Variants in CNTN4 observed in about 807,000 individuals in gnomAD.
The protein encoded by CNTN4 is contactin-4.
In CNTN4, 77 loss-of-function variants were observed where a neutral mutation model predicts 122.5. The ratio of observed to expected loss-of-function variants is 0.63; its 90% CI spans 0.52 to 0.76. The LOEUF (loss-of-function observed/expected upper bound fraction) is 0.76, where lower values mean the gene tolerates loss of function less well. Among genes scored for constraint, CNTN4 ranks in the 30% least tolerant of loss-of-function variants. CNTN4 has a pLI of 0.00. For missense variants in CNTN4, 1,256 were observed against 1,259.1 expected, an observed-to-expected ratio of 1.00 and a Z score of 0.04; for synonymous variants, 512 against 447.0, an observed-to-expected ratio of 1.15 and a Z score of -1.83.
At chr3:2,496,975 A>AGCCCT (rs1166933999) in intron 3 of CNTN4, among the ~76,000 whole-genome samples, 3 of 152,158 alleles carry the variant, frequency 2.0e-5, no homozygotes, top group Non-Finnish European at 4.4e-5. Flanking sequence ...CAGCTCCAGA[A>AGCCCT]GAGAGCAAAA....
intron 14 of CNTN4, among the ~76,000 whole-genome samples, chr3:3,000,698 G>T (rs1410370349): frequency 1.3e-5 from 2 of 152,124 alleles, no homozygotes; most frequent in Admixed American, 6.5e-5. Flanking sequence ...CTCAGGGTCT[G>T]CCCTAAGTAA....
intron 3 of CNTN4, among the ~76,000 whole-genome samples, chr3:2,406,801 T>C (rs538558962): frequency 6.6e-6 from 1 of 152,168 alleles, no homozygotes; most frequent in African/African-American, 2.4e-5. Flanking sequence ...TGAAGTGATA[T>C]AAGTGTGGTT....
chr3:2,258,683 C>T (rs1442604916), intron 2 of CNTN4, among the ~76,000 whole-genome samples: 7 of 152,112 alleles, frequency 4.6e-5, no homozygotes, highest in Admixed American at 1.3e-4. Context: ...ATGCATGCAG[C>T]CTATTTCTCA....
chr3:2,627,750 C>G (rs62232711), intron 4 of CNTN4, among the ~76,000 whole-genome samples: 5,086 of 152,186 alleles, frequency 0.033, 111 homozygotes, highest in Non-Finnish European at 0.049. Context: ...GCCTCGGCCT[C>G]CCAAAGTGCT....
chr3:2,982,182 A>G (rs557135630), intron 13 of CNTN4, among the ~76,000 whole-genome samples: 2 of 152,258 alleles, frequency 1.3e-5, no homozygotes, highest in South Asian at 4.1e-4. Flanking sequence ...TCATATTCGG[A>G]ACTGTGTGGT....
At chr3:2,646,192 A>C (rs757187768) in intron 4 of CNTN4, among the ~76,000 whole-genome samples, 2 of 152,214 alleles carry the variant, frequency 1.3e-5, no homozygotes, top group Non-Finnish European at 2.9e-5. Context: ...ACTAGTGTGG[A>C]TCCAACAATA....
At chr3:2,760,661 A>C (rs1360356781) in intron 6 of CNTN4, among the ~76,000 whole-genome samples, 1 of 152,228 alleles carries the variant, frequency 6.6e-6, no homozygotes, top group East Asian at 1.9e-4. Flanking sequence ...TGATGCTCAC[A>C]TCGCATGAGC....
At chr3:2,696,925 A>G (rs1262486037) in intron 4 of CNTN4, among the ~76,000 whole-genome samples, 1 of 152,228 alleles carries the variant, frequency 6.6e-6, no homozygotes, top group East Asian at 1.9e-4. Flanking sequence ...GTTAATTGCC[A>G]TGAATGGGTG....
intron 2 of CNTN4, among the ~76,000 whole-genome samples, chr3:2,321,093 C>T (rs1038675692): frequency 3.3e-5 from 5 of 152,098 alleles, no homozygotes; most frequent in Non-Finnish European, 5.9e-5. Context: ...AATTTGGGCT[C>T]TGTTCAAAGC....
At chr3:2,809,139 GA>G (rs1212417044) in intron 6 of CNTN4, among the ~76,000 whole-genome samples, 20 of 152,344 alleles carry the variant, frequency 1.3e-4, no homozygotes, top group African/African-American at 4.8e-4. Flanking sequence ...ACACAAATGA[GA>G]ACCGTAGTTG....
intron 4 of CNTN4, among the ~76,000 whole-genome samples, chr3:2,651,487 C>G (rs1184520371): frequency 6.6e-6 from 1 of 152,072 alleles, no homozygotes; most frequent in Non-Finnish European, 1.5e-5. Context: ...GGAATGGCCT[C>G]CTCTTAGCAT....
chr3:2,300,122 T>G (rs1379762888), intron 2 of CNTN4, among the ~76,000 whole-genome samples: 1 of 152,160 alleles, frequency 6.6e-6, no homozygotes, highest in Non-Finnish European at 1.5e-5. Context: ...TTGAGATAGA[T>G]TATTTATAGC....
chr3:2,766,411 C>T (rs1025771264), intron 6 of CNTN4, among the ~76,000 whole-genome samples: 3 of 152,078 alleles, frequency 2.0e-5, no homozygotes, highest in African/African-American at 7.2e-5. Flanking sequence ...TACCACTCAA[C>T]CATAAAAAGA....
At chr3:2,403,498 C>G (rs2046930280) in intron 3 of CNTN4, among the ~76,000 whole-genome samples, 1 of 152,108 alleles carries the variant, frequency 6.6e-6, no homozygotes, top group South Asian at 2.1e-4. Flanking sequence ...AAATCTCAAC[C>G]TACTTTCTAA....
intron 2 of CNTN4, among the ~76,000 whole-genome samples, chr3:2,276,666 T>A (rs1398947665): frequency 6.6e-6 from 1 of 152,196 alleles, no homozygotes; most frequent in Non-Finnish European, 1.5e-5. Flanking sequence ...TCTTTTAAAA[T>A]CCCTTTGGTA....
intron 3 of CNTN4, among the ~76,000 whole-genome samples, chr3:2,453,889 T>C (rs568759180): frequency 6.6e-6 from 1 of 152,292 alleles, no homozygotes; most frequent in South Asian, 2.1e-4. Context: ...GCAAATCATA[T>C]GAAACTGTAT....
chr3:2,438,673 C>G (rs2048334041), intron 3 of CNTN4, among the ~76,000 whole-genome samples: 1 of 152,164 alleles, frequency 6.6e-6, no homozygotes. Context: ...AGTCATGACT[C>G]AGTACAGTTA....
intron 2 of CNTN4, among the ~76,000 whole-genome samples, chr3:2,205,818 A>C (rs955646135): frequency 3.3e-5 from 5 of 152,124 alleles, no homozygotes; most frequent in African/African-American, 1.2e-4. Flanking sequence ...TAGAAGCATA[A>C]GATTATTAAA....
intron 3 of CNTN4, among the ~76,000 whole-genome samples, chr3:2,555,729 C>T (rs1489743085): frequency 6.6e-6 from 1 of 152,130 alleles, no homozygotes; most frequent in African/African-American, 2.4e-5. Context: ...TAGATTTATG[C>T]TGCAGAGATG....
Sources: gnomAD v4.1 joint callset for allele counts (sites outside exome capture counted in the v4.1 genomes callset) on GRCh38, gnomAD v4.1.1 for gene constraint, MANE v1.5 for transcripts, NCBI Gene and HGNC (gene_info 2026-07-23, HGNC 2026-07-21) for gene names.